MARCHF6: variants seen among roughly 807,000 people sequenced by gnomAD.
The protein encoded by MARCHF6 is membrane associated ring-CH-type finger 6, also known as E3 ubiquitin-protein ligase MARCHF6.
In MARCHF6, 31 loss-of-function variants were observed where a neutral mutation model predicts 133.7. That is an observed-to-expected ratio of 0.23 (90% CI 0.17 to 0.31). The LOEUF (loss-of-function observed/expected upper bound fraction) is 0.31. Among genes scored for constraint, MARCHF6 ranks in the 10% least tolerant of loss-of-function variants. The probability of loss-of-function intolerance (pLI) is 1.00; values close to 1 mark genes in which losing one functional copy is unlikely to be tolerated. For missense variants in MARCHF6, 723 were observed against 1,121.6 expected (o/e 0.64, Z 5.08); for synonymous variants, 395 against 402.5 (o/e 0.98, Z 0.22).
chr5:10,405,544 A>AAATAT lies in MARCHF6; in HGVS notation c.1333-12_1333-8dup, dbSNP rs757216207. On this transcript the variant is annotated splice_polypyrimidine_tract_variant and intron_variant, in intron 15 of 25. Transcript: ENST00000274140. ...CATTGGTGAATATTCATAGTATTTA[A>AAATAT]AATATATTTGCAGGTACTTCGACCT... The AAATAT allele has an allele frequency of 1.9e-6, 3 of 1,584,328 alleles. No individual in the cohort carries two copies. The highest frequency in any genetic ancestry group is 2.6e-6 in the Non-Finnish European group (3 of 1,170,322).
At chr5:10,378,920 G>T in intron 3 of MARCHF6, 88 bp downstream of exon 3, 1 of 774,774 alleles carries the variant, frequency 1.3e-6, no homozygotes, top group Non-Finnish European at 2.1e-6. Flanking sequence ...ACAGAGGAAG[G>T]GGGATAAAAG....
At chr5:10,359,265 A>T (rs1735666585) in intron 1 of MARCHF6, among the ~76,000 whole-genome samples, 1 of 152,184 alleles carries the variant, frequency 6.6e-6, no homozygotes, top group African/African-American at 2.4e-5. Context: ...TGTGCCATAG[A>T]TTGAGGTTTG....
intron 17 of MARCHF6, among the ~76,000 whole-genome samples, chr5:10,409,681 G>T (rs1253876109): frequency 6.6e-6 from 1 of 152,188 alleles, no homozygotes; most frequent in Non-Finnish European, 1.5e-5. Context: ...AGGAAACTGG[G>T]TTGGAGTGGC....
chr5:10,399,829 A>C (rs1378646701), intron 10 of MARCHF6, among the ~76,000 whole-genome samples: 2 of 152,100 alleles, frequency 1.3e-5, no homozygotes, highest in East Asian at 3.9e-4. Context: ...TGCTTCCCCC[A>C]ACTCACCCTA....
chr5:10,374,602 C>A (rs975316451), intron 1 of MARCHF6, among the ~76,000 whole-genome samples: 1 of 152,160 alleles, frequency 6.6e-6, no homozygotes, highest in Non-Finnish European at 1.5e-5. Flanking sequence ...CGCTAGGACT[C>A]AAATTCTGGG....
intron 1 of MARCHF6, among the ~76,000 whole-genome samples, chr5:10,361,805 C>G (rs1371174194): frequency 6.6e-6 from 1 of 151,986 alleles, no homozygotes. Flanking sequence ...CTCTTGTTGC[C>G]TAGGCTGCAG....
Position 10,426,513 on chromosome 5 carries a change from C to G in MARCHF6, c.2497C>G (p.Pro833Ala). ...TTATGTCATAGCTTCTGGTGTTGTT[C>G]CTTTACTAGGTACGTAATGCTGGTT... ...VPYVIASGVV[P>A]LLGVTAEMQN... The change falls in exon 24 of 26, where the codon CCT becomes GCT. Residue 833 changes from proline (P) to alanine (A), a missense_variant. Coordinates refer to ENST00000274140, the MANE Select transcript of MARCHF6 (RefSeq NM_005885.4). The G allele has an allele frequency of 6.2e-7, 1 of 1,613,920 alleles. No individual in the cohort carries two copies. Among genetic ancestry groups the G allele is most frequent in the Non-Finnish European group, 8.5e-7 (1 of 1,179,934 alleles).
intron 16 of MARCHF6, among the ~76,000 whole-genome samples, chr5:10,406,714 CATT>C (rs755558585): frequency 6.6e-6 from 1 of 152,144 alleles, no homozygotes; most frequent in Non-Finnish European, 1.5e-5. Context: ...CTTAAAGTAA[CATT>C]ATGTCCTTTG....
At chr5:10,400,910 TATTCTAAAG>T (rs1349611104) in intron 11 of MARCHF6, 68 bp downstream of exon 11, 3 of 1,220,428 alleles carry the variant, frequency 2.5e-6, no homozygotes, top group Non-Finnish European at 3.6e-6. Flanking sequence ...AATAAAATAG[TATTCTAAAG>T]AGTTACATCA....
chr5:10,405,804 C>T, intron 16 of MARCHF6, 127 bp downstream of exon 16: 2 of 739,464 alleles, frequency 2.7e-6, no homozygotes, highest in Non-Finnish European at 2.0e-6. Context: ...TTTATCTAAG[C>T]CTGTGGTATT....
At position 10,393,398 on chromosome 5, in the gene MARCHF6, TC is replaced by T. The variant is rs1308498432; in HGVS notation, c.767-682del. 2.0e-5 allele frequency among the ~76,000 whole-genome samples: 3 copies of T among 152,274 alleles called. No homozygotes were observed. In the East Asian group the frequency reaches 5.8e-4, roughly 29 times the overall value. ...CCTAGACCTATTTTGAATAAGGTTTTCCAGGTAGCTCAGAGTACCTGGTATT... is the reference window on the plus strand; with the variant it reads ...CCTAGACCTATTTTGAATAAGGTTTTCAGGTAGCTCAGAGTACCTGGTATT... On this transcript the variant is annotated intron_variant, in intron 7 of 25. Coordinates refer to ENST00000274140, the MANE Select transcript of MARCHF6 (RefSeq NM_005885.4).
intron 17 of MARCHF6, among the ~76,000 whole-genome samples, chr5:10,407,494 G>A (rs1738966484): frequency 6.6e-6 from 1 of 152,122 alleles, no homozygotes; most frequent in South Asian, 2.1e-4. Context: ...CATAAAGTAT[G>A]CATTTGCACA....
chr5:10,381,994 T>A, intron 4 of MARCHF6, 51 bp downstream of exon 4: 1 of 1,505,122 alleles, frequency 6.6e-7, no homozygotes, highest in Non-Finnish European at 9.2e-7. Context: ...CATAACTACT[T>A]AATATTATAA....
chr5:10,375,571 C>T (rs1306697416), intron 1 of MARCHF6, among the ~76,000 whole-genome samples: 1 of 152,264 alleles, frequency 6.6e-6, no homozygotes, highest in African/African-American at 2.4e-5. Flanking sequence ...GCAGGCAGCT[C>T]CACCTGCAGC....
intron 3 of MARCHF6, among the ~76,000 whole-genome samples, chr5:10,379,686 C>T (rs995479365): frequency 3.9e-5 from 6 of 152,188 alleles, no homozygotes; most frequent in Non-Finnish European, 5.9e-5. Flanking sequence ...TGGTCTCGAT[C>T]TCCTGACCTC....
intron 3 of MARCHF6, among the ~76,000 whole-genome samples, chr5:10,381,109 C>G (rs758624294): frequency 6.6e-6 from 1 of 151,988 alleles, no homozygotes; most frequent in Admixed American, 6.6e-5. Flanking sequence ...ATGTTCTTTC[C>G]GAGCTACCTG....
intron 11 of MARCHF6, 123 bp downstream of exon 11, chr5:10,400,965 C>G: frequency 1.4e-6 from 1 of 712,990 alleles, no homozygotes; most frequent in Non-Finnish European, 2.4e-6. Context: ...AATAGTTAGG[C>G]AATACCGTCT....
At chr5:10,389,295 G>T (rs998108422) in intron 5 of MARCHF6, among the ~76,000 whole-genome samples, 3 of 152,134 alleles carry the variant, frequency 2.0e-5, no homozygotes, top group Non-Finnish European at 4.4e-5. Context: ...GCATTTTCTT[G>T]TATGATTACT....
At chr5:10,366,651 G>A (rs1295149957) in intron 1 of MARCHF6, among the ~76,000 whole-genome samples, 1 of 152,210 alleles carries the variant, frequency 6.6e-6, no homozygotes, top group Non-Finnish European at 1.5e-5. Context: ...TGCTTCTAGG[G>A]AGCAAAGGCA....
Sources: allele counts gnomAD v4.1 joint callset (sites outside exome capture counted in the v4.1 genomes callset), GRCh38; gene constraint gnomAD v4.1.1; transcripts MANE v1.5; gene names NCBI Gene and HGNC (gene_info 2026-07-23, HGNC 2026-07-21).